TUBA1C: variants seen among roughly 807,000 people sequenced by gnomAD.
TUBA1C encodes tubulin alpha-1C chain.
Under a neutral mutation model 34.9 loss-of-function variants are expected in TUBA1C, and 16 were observed. The observed-to-expected ratio is 0.46, with a 90% CI of 0.31 to 0.70. TUBA1C has a LOEUF of 0.70. Among genes scored for constraint, TUBA1C ranks in the 30% least tolerant of loss-of-function variants. The probability of loss-of-function intolerance (pLI) is 0.05; values close to 1 mark genes in which losing one functional copy is unlikely to be tolerated. For missense variants in TUBA1C, 329 were observed against 587.3 expected (o/e 0.56, Z 4.55); for synonymous variants, 177 against 215.9 (o/e 0.82, Z 1.58).
At chr12:49,243,628 T>C (rs569811266) in intron 1 of TUBA1C, among the ~76,000 whole-genome samples, 62 of 152,238 alleles carry the variant, frequency 4.1e-4, no homozygotes, top group African/African-American at 1.3e-3. Context: ...TTTATTTATT[T>C]TGAGACAGAG....
chr12:49,231,937 G>C (rs995740829), intron 1 of TUBA1C, among the ~76,000 whole-genome samples: 1 of 152,200 alleles, frequency 6.6e-6, no homozygotes, highest in African/African-American at 2.4e-5. Context: ...AAGCTTGCCT[G>C]AACGTCACCT....
chr12:49,250,977 C>T (rs1206036387), intron 1 of TUBA1C, among the ~76,000 whole-genome samples: 1 of 152,036 alleles, frequency 6.6e-6, no homozygotes, highest in African/African-American at 2.4e-5. Context: ...GAGGCCAAGG[C>T]AGGTACATCA....
intron 1 of TUBA1C, among the ~76,000 whole-genome samples, chr12:49,267,345 C>A (rs1942928096): frequency 6.6e-6 from 1 of 152,120 alleles, no homozygotes. Context: ...GGGGCTTGGG[C>A]GTTTCCAAAG....
At chr12:49,243,769 C>A (rs555118468) in intron 1 of TUBA1C, among the ~76,000 whole-genome samples, 15 of 152,010 alleles carry the variant, frequency 9.9e-5, no homozygotes, top group African/African-American at 3.6e-4. Flanking sequence ...TCATTGCAAA[C>A]CATTCTCAGG....
intron 1 of TUBA1C, among the ~76,000 whole-genome samples, chr12:49,267,323 C>G (rs912820450): frequency 2.0e-5 from 3 of 152,222 alleles, no homozygotes; most frequent in Admixed American, 1.3e-4. Flanking sequence ...ATCTGGTTAT[C>G]TCCAGCTTTT....
chr12:49,234,306 T>C (rs910686106), intron 1 of TUBA1C, among the ~76,000 whole-genome samples: 6 of 152,240 alleles, frequency 3.9e-5, no homozygotes, highest in African/African-American at 1.4e-4. Context: ...CAGGTTCTAA[T>C]TTTCATTCTC....
intron 1 of TUBA1C, chr12:49,228,274 T>C (rs984971159): frequency 9.4e-7 from 1 of 1,058,334 alleles, no homozygotes; most frequent in Non-Finnish European, 1.3e-6. Flanking sequence ...ATTTATTGTT[T>C]CATGTTTAAT....
chr12:49,269,788 C>T lies in TUBA1C; in HGVS notation c.227-40C>T, dbSNP rs767069988. ...GTCACTCACCCACTCTCCCTCCCCG[C>T]TCCTTGTCCCTCCTCCTCCTCCCCC... On this transcript the variant is annotated intron_variant, in intron 2 of 3. Coordinates refer to ENST00000301072, the MANE Select transcript of TUBA1C (RefSeq NM_032704.5). The T allele has an allele frequency of 1.2e-5, 20 of 1,613,920 alleles. No individual in the cohort carries two copies. The Admixed American group carries it at 3.2e-4, about 26-fold the overall frequency.
At chr12:49,261,876 G>C (rs1439438811), upstream of TUBA1C, among the ~76,000 whole-genome samples, 1 of 152,200 alleles carries the variant, frequency 6.6e-6, no homozygotes, top group Non-Finnish European at 1.5e-5. Context: ...AGCATTGTAA[G>C]ATTACAACGA....
Position 49,265,120 on chromosome 12 carries a change from G to T in TUBA1C, c.-62G>T. 1.3e-6 allele frequency: 2 copies of T among 1,582,992 alleles called. No individual in the cohort carries two copies. Among genetic ancestry groups the T allele is most frequent in the Non-Finnish European group, 8.6e-7 (1 of 1,160,180 alleles). ...CGGACTCCTTGGTAGTCTGTTAGTG[G>T]GAGATCCTTGTTGCCGTCCCTTCGC... is the stretch of plus-strand genomic sequence containing the variant. On this transcript the variant is annotated 5_prime_UTR_variant, in exon 1 of 4. Transcript: ENST00000301072.
At chr12:49,246,049 C>G (rs1284498495) in intron 1 of TUBA1C, among the ~76,000 whole-genome samples, 3 of 152,136 alleles carry the variant, frequency 2.0e-5, no homozygotes, top group African/African-American at 7.2e-5. Context: ...GGACTACAGG[C>G]ATGCGCCACC....
At chr12:49,266,743 G>T (rs959483022) in intron 1 of TUBA1C, among the ~76,000 whole-genome samples, 1 of 152,026 alleles carries the variant, frequency 6.6e-6, no homozygotes. Flanking sequence ...CAGCTTCTCG[G>T]GAGGCAGGGG....
chr12:49,248,591 C>T (rs1361115435), intron 1 of TUBA1C, among the ~76,000 whole-genome samples: 1 of 150,690 alleles, frequency 6.6e-6, no homozygotes, highest in African/African-American at 2.4e-5. Context: ...GGGCCGGGCA[C>T]GGTGGCCCAC....
At chr12:49,269,757 C>G in intron 2 of TUBA1C, 70 bp downstream of exon 2, 7 of 1,613,330 alleles carry the variant, frequency 4.3e-6, no homozygotes, top group Non-Finnish European at 5.1e-6. Context: ...TGGGGGGGCT[C>G]CGCTGGTCAC....
chr12:49,268,239 C>T (rs940222444), intron 1 of TUBA1C, among the ~76,000 whole-genome samples: 1 of 152,160 alleles, frequency 6.6e-6, no homozygotes, highest in Non-Finnish European at 1.5e-5. Flanking sequence ...GCTGGGACTA[C>T]AGGCGCGCAC....
chr12:49,230,198 T>G (rs1337602275), intron 1 of TUBA1C, among the ~76,000 whole-genome samples: 1 of 152,098 alleles, frequency 6.6e-6, no homozygotes, highest in Non-Finnish European at 1.5e-5. Flanking sequence ...CCATGCATAA[T>G]GACTTGTACT....
In TUBA1C at chr12:49,273,299, G is replaced by A. The variant is rs375107721; in HGVS notation, c.*72G>A. 1.3e-4 allele frequency: 215 copies of A among 1,610,826 alleles called. No homozygotes were observed. Among genetic ancestry groups the A allele is most frequent in the South Asian group, 1.1e-3 (104 of 90,910 alleles). On this transcript the variant is annotated 3_prime_UTR_variant, in exon 4 of 4. Coordinates refer to ENST00000301072, the MANE Select transcript of TUBA1C (RefSeq NM_032704.5). ...TTTTGTTCTGTAAATGTCTATTGCC[G>A]TAAATTGTTAATAAAATTGAAGTTT...
chr12:49,266,023 G>C lies in TUBA1C; in HGVS notation c.3+839G>C, dbSNP rs1333701375. ...CGCGCGCCGGTAATCCCAGCTACTC[G>C]GGAGGCTGAGGCAGGAAAATCGCTT... On this transcript the variant is annotated intron_variant, in intron 1 of 3. Coordinates refer to ENST00000301072, the MANE Select transcript of TUBA1C (RefSeq NM_032704.5). Among the ~76,000 whole-genome samples the C allele has an allele frequency of 4.7e-5, 7 of 148,022 alleles. No homozygotes were observed. In the South Asian group the frequency reaches 8.6e-4, roughly 18 times the overall value.
At chr12:49,229,723 T>C (rs1353248665) in intron 1 of TUBA1C, among the ~76,000 whole-genome samples, 1 of 152,142 alleles carries the variant, frequency 6.6e-6, no homozygotes, top group Non-Finnish European at 1.5e-5. Context: ...TGTGTGACTT[T>C]TTAAGAGATA....
Sources: gnomAD v4.1 joint callset for allele counts (sites outside exome capture counted in the v4.1 genomes callset) on GRCh38, gnomAD v4.1.1 for gene constraint, MANE v1.5 for transcripts, NCBI Gene and HGNC (gene_info 2026-07-23, HGNC 2026-07-21) for gene names.